Variants in RTN4 observed in about 807,000 individuals in gnomAD.
RTN4 encodes reticulon 4.
A neutral mutation model predicts 90.4 loss-of-function variants in RTN4; 32 were observed. The ratio of observed to expected loss-of-function variants is 0.35; its 90% confidence interval spans 0.27 to 0.48. RTN4 has a LOEUF of 0.48. RTN4 is among the 20% of genes least tolerant of loss of function. RTN4 has a pLI of 0.99. For synonymous variants in RTN4, 629 were observed against 552.5 expected (o/e 1.14, Z -1.94); for missense variants, 1,706 against 1,430.2 (o/e 1.19, Z -3.11).
At chr2:55,038,473 T>C (rs905146490) in intron 1 of RTN4, among the ~76,000 whole-genome samples, 1 of 147,524 alleles carries the variant, frequency 6.8e-6, no homozygotes, top group Non-Finnish European at 1.5e-5. Flanking sequence ...GCAAATTACT[T>C]GAACAGACAC....
chr2:55,057,453 T>C (rs563370428), intron 2 of RTN4, among the ~76,000 whole-genome samples: 1 of 152,328 alleles, frequency 6.6e-6, no homozygotes, highest in East Asian at 1.9e-4. Context: ...GGAAAGCACC[T>C]AGCACAGAGT....
chr2:55,031,333 G>C (rs1194811646), intron 1 of RTN4, among the ~76,000 whole-genome samples: 1 of 152,220 alleles, frequency 6.6e-6, no homozygotes, highest in Non-Finnish European at 1.5e-5. Flanking sequence ...ACAGTACAGA[G>C]AGAAGCCTAA....
At chr2:55,069,652 AT>A (rs1387937293) in intron 2 of RTN4, among the ~76,000 whole-genome samples, 1 of 152,202 alleles carries the variant, frequency 6.6e-6, no homozygotes, top group Non-Finnish European at 1.5e-5. Flanking sequence ...CCACCCAAGC[AT>A]TCTTCCAAAA....
the RTN4 span, among the ~76,000 whole-genome samples, chr2:55,127,864 T>A: frequency 6.6e-6 from 1 of 151,982 alleles, no homozygotes; most frequent in African/African-American, 2.4e-5. Flanking sequence ...TGAAACCTTG[T>A]AATGATAAAT....
chr2:54,980,237 A>T (rs1678008373), intron 5 of RTN4, among the ~76,000 whole-genome samples: 1 of 152,166 alleles, frequency 6.6e-6, no homozygotes, highest in Non-Finnish European at 1.5e-5. Flanking sequence ...AACTTTTTTT[A>T]AAAAGTCCTC....
intron 1 of RTN4, among the ~76,000 whole-genome samples, chr2:55,040,660 C>T (rs183455220): frequency 2.0e-5 from 3 of 152,250 alleles, no homozygotes; most frequent in African/African-American, 7.2e-5. Flanking sequence ...TCACAAAACT[C>T]CTCTGGTTTT....
intron 5 of RTN4, among the ~76,000 whole-genome samples, chr2:54,980,763 C>T (rs1479330365): frequency 6.6e-6 from 1 of 152,194 alleles, no homozygotes; most frequent in Non-Finnish European, 1.5e-5. Flanking sequence ...TACTTACAGA[C>T]AGTATTTCTT....
intron 3 of RTN4, among the ~76,000 whole-genome samples, chr2:54,991,295 ATAAAT>A (rs1203707837): frequency 1.3e-5 from 2 of 152,204 alleles, no homozygotes; most frequent in African/African-American, 2.4e-5. Context: ...ACTGTACAAC[ATAAAT>A]TAATGTCTAA....
At chr2:55,135,626 G>A in the RTN4 span, among the ~76,000 whole-genome samples, 1 of 152,020 alleles carries the variant, frequency 6.6e-6, no homozygotes, top group Non-Finnish European at 1.5e-5. Context: ...TGCACAACTT[G>A]GTAAGTTTTG....
intron 2 of RTN4, among the ~76,000 whole-genome samples, chr2:55,075,372 A>G (rs1668582363): frequency 1.3e-5 from 2 of 152,210 alleles, no homozygotes; most frequent in African/African-American, 2.4e-5. Flanking sequence ...AATATGCTTA[A>G]CCTAAGTGAA....
intron 1 of RTN4, among the ~76,000 whole-genome samples, chr2:55,103,447 G>A (rs1667888777): frequency 6.6e-6 from 1 of 151,988 alleles, no homozygotes; most frequent in East Asian, 1.9e-4. Context: ...CTTAAAATGT[G>A]TCCAAGAGGG....
chr2:55,109,280 C>A lies in RTN4; in HGVS notation c.-214+3240G>T, dbSNP rs114155692. On this transcript the variant is annotated intron_variant, in intron 1 of 3. Coordinates refer to the RTN4 transcript ENST00000427710. ...TGGATGCCTGCATGGGACAAAGTCA[C>A]TGAACAGCCTGAGCCCTTCAATAAT... 8.6e-3 allele frequency among the ~76,000 whole-genome samples: 1,308 copies of A among 152,252 alleles called. 20 individuals carry two copies. The highest frequency in any genetic ancestry group is 0.041 in the Middle Eastern group (12 of 294).
intron 3 of RTN4, among the ~76,000 whole-genome samples, chr2:54,988,560 ATC>A (rs1678761907): frequency 6.6e-6 from 1 of 152,158 alleles, no homozygotes; most frequent in African/African-American, 2.4e-5. Flanking sequence ...TGCTCTTAAG[ATC>A]TGTCTTTTAG....
upstream of RTN4, among the ~76,000 whole-genome samples, chr2:55,117,289 A>G (rs1260947063): frequency 6.6e-6 from 1 of 152,206 alleles, no homozygotes; most frequent in Non-Finnish European, 1.5e-5. Context: ...AATGTCACAC[A>G]CTGGTTGAAT....
At chr2:55,062,012 A>ATCAAGAGCACG (rs149046465) in intron 2 of RTN4, among the ~76,000 whole-genome samples, 40,887 of 151,048 alleles carry the variant, frequency 0.27, 6,304 homozygotes, top group Non-Finnish European at 0.34. Context: ...TCGAGAGGAC[A>ATCAAGAGCACG]TCAAGAGCAC....
At position 55,026,575 on chromosome 2, in the gene RTN4, C is replaced by G. The variant is rs752730648; in HGVS notation, c.1524G>C (p.Lys508Asn). The G allele has an allele frequency of 8.1e-6, 13 of 1,612,640 alleles. No individual in the cohort carries two copies. In the African/African-American group the frequency reaches 1.7e-4, roughly 22 times the overall value. Residue 508 changes from lysine (K) to asparagine (N), a missense_variant, in exon 3 of 9, where the codon AAG becomes AAC. Lys to Asn is a moderately conservative substitution (Grantham distance 94). Transcript: ENST00000337526. ...EEKKAQIVTE[K>N]NTSTKTSNPF... ...GGTTTGATGTTTTGGTGCTAGTATT[C>G]TTCTCTGTTACTATTTGGGCCTTCT...
At chr2:54,980,779 T>C (rs1054746932) in intron 5 of RTN4, among the ~76,000 whole-genome samples, 2 of 152,218 alleles carry the variant, frequency 1.3e-5, no homozygotes, top group Non-Finnish European at 2.9e-5. Flanking sequence ...TTCTTCTCAG[T>C]CAATTCCTAC....
At chr2:55,043,668 C>T (rs6730728) in intron 1 of RTN4, among the ~76,000 whole-genome samples, 70,962 of 152,060 alleles carry the variant, frequency 0.47, 17,450 homozygotes, top group African/African-American at 0.63. Context: ...GGTGGGTCAC[C>T]TGAGGTCAGG....
At chr2:55,009,873 A>C (rs145243710) in intron 3 of RTN4, among the ~76,000 whole-genome samples, 2 of 152,222 alleles carry the variant, frequency 1.3e-5, no homozygotes, top group African/African-American at 4.8e-5. Context: ...GACTGAAAAG[A>C]CTAAACCGAA....
Sources: gnomAD v4.1 joint callset for allele counts (sites outside exome capture counted in the v4.1 genomes callset) on GRCh38, gnomAD v4.1.1 for gene constraint, MANE v1.5 for transcripts, NCBI Gene and HGNC (gene_info 2026-07-23, HGNC 2026-07-21) for gene names.